The following THSD4 variants were observed in gnomAD, a reference collection of about 807,000 sequenced individuals.
THSD4 encodes the protein thrombospondin type-1 domain-containing protein 4.
THSD4 carries 69 observed loss-of-function variants against 119.0 expected under a neutral mutation model. That is an observed-to-expected ratio of 0.58 (90% CI 0.48 to 0.71). The LOEUF is 0.71. Among genes scored for constraint, THSD4 ranks in the 30% least tolerant of loss-of-function variants. The pLI is 0.00. For synonymous variants in THSD4, 524 were observed against 540.4 expected, an observed-to-expected ratio of 0.97 and a Z score of 0.42; for missense variants, 1,393 against 1,391.1, an observed-to-expected ratio of 1.00 and a Z score of -0.02.
At chr15:71,444,704 A>G (rs1323224144) in intron 7 of THSD4, among the ~76,000 whole-genome samples, 2 of 152,190 alleles carry the variant, frequency 1.3e-5, no homozygotes, top group Non-Finnish European at 2.9e-5. Flanking sequence ...TGCCTTCTTC[A>G]TTCCCACCTC....
At chr15:71,187,814 A>G (rs138370558) in intron 3 of THSD4, among the ~76,000 whole-genome samples, 215 of 152,334 alleles carry the variant, frequency 1.4e-3, no homozygotes, top group African/African-American at 4.9e-3. Flanking sequence ...CCTACACAGC[A>G]CTGCCAGATT....
At chr15:71,542,909 T>C (rs2048780997) in intron 7 of THSD4, among the ~76,000 whole-genome samples, 1 of 149,334 alleles carries the variant, frequency 6.7e-6, no homozygotes, top group Admixed American at 6.7e-5. Context: ...AAAAAACAAA[T>C]TGAAGGATAA....
Position 71,332,892 on chromosome 15 carries a change from A to ATTTTTTTTTTTTTTTTTTTTTTT in THSD4, c.1015+76193_1015+76194insTTTTTTTTTTTTTTTTTTTTTTT. Reference sequence around the variant, plus strand: ...TCTTAAAACATTGAGATTTTTTTACATTTTTTTTTTTTTTTTAGTTCATCA... The same window carrying ATTTTTTTTTTTTTTTTTTTTTTT: ...TCTTAAAACATTGAGATTTTTTTACATTTTTTTTTTTTTTTTTTTTTTTTTTTTTTTTTTTTTTTAGTTCATCA... On this transcript the variant is annotated intron_variant, in intron 6 of 17. Transcript: ENST00000261862. Among the ~76,000 whole-genome samples, 641 of 76,904 alleles carry ATTTTTTTTTTTTTTTTTTTTTTT rather than the reference A, an allele frequency of 8.3e-3. 109 individuals are homozygous for ATTTTTTTTTTTTTTTTTTTTTTT. The highest frequency in any genetic ancestry group is 0.012 in the South Asian group (21 of 1,718). The allele number at this position is 76,904 out of a possible 152,430, so 50.5% of individuals were successfully genotyped here.
chr15:71,324,124 G>T (rs1046194771), intron 6 of THSD4, among the ~76,000 whole-genome samples: 1 of 151,526 alleles, frequency 6.6e-6, no homozygotes, highest in Non-Finnish European at 1.5e-5. Context: ...GGTATACTCT[G>T]TATCTGTTTA....
At position 71,650,519 on chromosome 15, in the gene THSD4, G is replaced by A. The variant is rs564134870; in HGVS notation, c.1153-10011G>A. 1.6e-4 allele frequency among the ~76,000 whole-genome samples: 24 copies of A among 152,218 alleles called. No homozygotes were observed. The East Asian group carries it at 4.4e-3, about 28-fold the overall frequency. On this transcript the variant is annotated intron_variant, in intron 7 of 17. Coordinates refer to ENST00000261862, the MANE Select transcript of THSD4 (RefSeq NM_024817.3). ...TAAGGCTTATTGTAAGATTCTCCCC[G>A]GGGGCCTGAAAGCTTAAGGAGATGA... is the stretch of plus-strand genomic sequence containing the variant.
At chr15:71,211,034 T>C (rs1445096857) in intron 3 of THSD4, among the ~76,000 whole-genome samples, 7 of 152,302 alleles carry the variant, frequency 4.6e-5, no homozygotes, top group Admixed American at 3.9e-4. Flanking sequence ...AGTATGTGCA[T>C]TGGAAATTGT....
At chr15:71,230,858 C>G (rs571795203) in intron 4 of THSD4, among the ~76,000 whole-genome samples, 6 of 152,214 alleles carry the variant, frequency 3.9e-5, no homozygotes, top group Non-Finnish European at 4.4e-5. Context: ...TACCTTTGTG[C>G]GAATCCAAAA....
chr15:71,735,916 GTC>G (rs1186946204), intron 10 of THSD4, among the ~76,000 whole-genome samples: 12 of 132,938 alleles, frequency 9.0e-5, no homozygotes, highest in Admixed American at 8.2e-4. Context: ...CTTGCTCTCT[GTC>G]TCTCTCACTT....
intron 6 of THSD4, among the ~76,000 whole-genome samples, chr15:71,315,098 G>T (rs2045167733): frequency 6.6e-6 from 1 of 152,136 alleles, no homozygotes; most frequent in Non-Finnish European, 1.5e-5. Context: ...GTGGTAACAG[G>T]GAGGACTATT....
chr15:71,472,273 G>C (rs138266958), intron 7 of THSD4, among the ~76,000 whole-genome samples: 91 of 152,244 alleles, frequency 6.0e-4, no homozygotes, highest in African/African-American at 2.1e-3. Context: ...TCTACATGAT[G>C]GGGTTGTTGT....
chr15:71,573,034 C>T (rs575476391), intron 7 of THSD4, among the ~76,000 whole-genome samples: 13 of 152,190 alleles, frequency 8.5e-5, no homozygotes, highest in African/African-American at 2.9e-4. Flanking sequence ...CCAAAGACTT[C>T]GTGAGGCTGC....
At position 71,553,428 on chromosome 15, in the gene THSD4, C is replaced by T. The variant is rs553172946; in HGVS notation, c.1153-107102C>T. Among the ~76,000 whole-genome samples, 326 of 151,408 alleles carry T rather than the reference C, an allele frequency of 2.2e-3. 1 individual carries two copies. Among genetic ancestry groups the T allele is most frequent in the African/African-American group, 6.0e-3 (247 of 41,246 alleles). On this transcript the variant is annotated intron_variant, in intron 7 of 17. Transcript: ENST00000261862. ...GCAACCTCCACCTCCCGGGTTCAAG[C>T]GATTCTCCTGCCTCAGCCTCCTGAG...
intron 6 of THSD4, among the ~76,000 whole-genome samples, chr15:71,389,073 C>G (rs1202386450): frequency 2.6e-5 from 4 of 152,120 alleles, no homozygotes; most frequent in Non-Finnish European, 5.9e-5. Flanking sequence ...GCAAGGCCTC[C>G]CCAGCTGCAT....
chr15:71,456,433 A>G (rs1024193438), intron 7 of THSD4, among the ~76,000 whole-genome samples: 2 of 152,230 alleles, frequency 1.3e-5, no homozygotes, highest in Admixed American at 6.5e-5. Flanking sequence ...TTCATGATTC[A>G]TGGTGATGAT....
intron 6 of THSD4, among the ~76,000 whole-genome samples, chr15:71,285,559 C>T (rs1204727325): frequency 6.6e-6 from 1 of 152,148 alleles, no homozygotes; most frequent in Non-Finnish European, 1.5e-5. Context: ...CAACTTTTCT[C>T]TTTTATTAAA....
At chr15:71,650,452 A>G (rs2140979372) in intron 7 of THSD4, among the ~76,000 whole-genome samples, 2 of 152,298 alleles carry the variant, frequency 1.3e-5, no homozygotes, top group Middle Eastern at 6.8e-3. Context: ...CTGCTGGTCC[A>G]TGGACCACAC....
intron 7 of THSD4, among the ~76,000 whole-genome samples, chr15:71,431,816 T>C (rs1375198675): frequency 6.6e-6 from 1 of 152,138 alleles, no homozygotes; most frequent in Non-Finnish European, 1.5e-5. Context: ...AAGAATGTTA[T>C]ATGTGTCATA....
chr15:71,316,772 A>AG (rs1354263028), intron 6 of THSD4, among the ~76,000 whole-genome samples: 1 of 152,200 alleles, frequency 6.6e-6, no homozygotes, highest in Non-Finnish European at 1.5e-5. Context: ...TTATGTTCCA[A>AG]GCATCTCAGT....
chr15:71,302,151 G>A (rs1314681717), intron 6 of THSD4, among the ~76,000 whole-genome samples: 8 of 152,198 alleles, frequency 5.3e-5, no homozygotes, highest in Non-Finnish European at 8.8e-5. Context: ...GTCGTTGTGA[G>A]TCTCCTTTCC....
Sources: allele counts gnomAD v4.1 joint callset (sites outside exome capture counted in the v4.1 genomes callset), GRCh38; gene constraint gnomAD v4.1.1; transcripts MANE v1.5; gene names NCBI Gene and HGNC (gene_info 2026-07-23, HGNC 2026-07-21).